The following SLC9B1 variants were observed in gnomAD, a reference collection of about 807,000 sequenced individuals.
SLC9B1 encodes the protein sodium/hydrogen exchanger 9B1.
A neutral mutation model predicts 51.7 loss-of-function variants in SLC9B1; 32 were observed. The observed-to-expected ratio is 0.62, with a 90% CI of 0.47 to 0.83. The LOEUF (loss-of-function observed/expected upper bound fraction) is 0.83, where lower values mean the gene tolerates loss of function less well. Ranked by LOEUF, SLC9B1 falls within the 40% of genes least tolerant of loss-of-function variation. SLC9B1 has a pLI of 0.00. For synonymous variants in SLC9B1, 145 were observed against 212.7 expected (o/e 0.68, Z 2.77); for missense variants, 406 against 613.2 (o/e 0.66, Z 3.57).
chr4:102,986,606 T>C (rs1374788660), intron 3 of SLC9B1, among the ~76,000 whole-genome samples: 1 of 152,212 alleles, frequency 6.6e-6, no homozygotes, highest in Non-Finnish European at 1.5e-5. Flanking sequence ...TCCCATTTCA[T>C]GTATGTTACA....
intron 3 of SLC9B1, among the ~76,000 whole-genome samples, chr4:102,967,459 G>A (rs1223359145): frequency 6.6e-6 from 1 of 152,184 alleles, no homozygotes; most frequent in East Asian, 1.9e-4. Context: ...CAGTTCTGCA[G>A]GCTGGAAAGA....
At chr4:103,001,061 C>A (rs935667514) in intron 1 of SLC9B1, among the ~76,000 whole-genome samples, 2 of 152,236 alleles carry the variant, frequency 1.3e-5, no homozygotes, top group South Asian at 2.1e-4. Flanking sequence ...TTCTTGACTT[C>A]TGTGCACCCA....
At chr4:103,016,001 G>A (rs555704058) in intron 1 of SLC9B1, among the ~76,000 whole-genome samples, 29 of 151,758 alleles carry the variant, frequency 1.9e-4, no homozygotes, top group Non-Finnish European at 3.5e-4. Context: ...TGGTGTGTTG[G>A]TGTGCGCCTG....
At chr4:102,990,277 G>A (rs1739881657) in intron 2 of SLC9B1, among the ~76,000 whole-genome samples, 1 of 151,962 alleles carries the variant, frequency 6.6e-6, no homozygotes, top group South Asian at 2.1e-4. Flanking sequence ...CAAAACTTTT[G>A]TGAAATGAAA....
intron 9 of SLC9B1, 87 bp from the exon 10 acceptor site, chr4:102,906,731 C>A (rs1184682092): frequency 2.5e-6 from 2 of 788,542 alleles, no homozygotes; most frequent in Non-Finnish European, 2.0e-6. Context: ...TTTTTTTTTT[C>A]ATTTTTTAAG....
intron 11 of SLC9B1, chr4:102,890,071 A>T (rs1251425651): frequency 6.6e-6 from 1 of 152,214 alleles, no homozygotes; most frequent in Non-Finnish European, 1.5e-5. Context: ...CTATTACATA[A>T]ACATCAGGTA....
intron 3 of SLC9B1, among the ~76,000 whole-genome samples, chr4:102,955,738 A>C (rs1202115422): frequency 2.0e-5 from 3 of 151,956 alleles, no homozygotes; most frequent in Non-Finnish European, 2.9e-5. Context: ...CCTGTGTAAC[A>C]AAGCTGCACG....
chr4:102,939,555 G>A (rs1736887441), intron 6 of SLC9B1, among the ~76,000 whole-genome samples: 1 of 151,814 alleles, frequency 6.6e-6, no homozygotes, highest in Non-Finnish European at 1.5e-5. Flanking sequence ...CTCATTTTAT[G>A]AGGCCAGCAT....
intron 3 of SLC9B1, among the ~76,000 whole-genome samples, chr4:102,975,786 T>C (rs1218915189): frequency 1.3e-5 from 2 of 151,068 alleles, no homozygotes; most frequent in Middle Eastern, 3.2e-3. Context: ...CCAGGCTGGT[T>C]TGAACTCCCA....
downstream of SLC9B1, among the ~76,000 whole-genome samples, chr4:102,895,966 T>A (rs1204578872): frequency 1.3e-5 from 2 of 152,208 alleles, no homozygotes; most frequent in African/African-American, 4.8e-5. Context: ...CAAACTCAAA[T>A]TTTTAAACAT....
intron 11 of SLC9B1, among the ~76,000 whole-genome samples, chr4:102,894,024 A>G (rs925860101): frequency 6.6e-5 from 10 of 152,356 alleles, no homozygotes; most frequent in Middle Eastern, 3.4e-3. Flanking sequence ...TACAGTATGC[A>G]AAGAGCACTG....
intron 3 of SLC9B1, among the ~76,000 whole-genome samples, chr4:102,978,254 C>T (rs545608307): frequency 1.4e-4 from 22 of 152,052 alleles, no homozygotes; most frequent in Middle Eastern, 3.4e-3. Context: ...TTGTGAATAG[C>T]GCCGCAATAA....
At chr4:102,992,509 A>G (rs1739996010) in intron 1 of SLC9B1, among the ~76,000 whole-genome samples, 1 of 152,212 alleles carries the variant, frequency 6.6e-6, no homozygotes, top group Non-Finnish European at 1.5e-5. Flanking sequence ...GAAAATTGTT[A>G]ACGAAAAGGA....
At position 103,009,555 on chromosome 4, in the gene SLC9B1, A is replaced by G. The variant is rs143330854; in HGVS notation, c.-2+10044T>C. ...TGGAATTCAGTATAAATTATTCTAAATGAGACTGCAGCTCTTTTCCTTCCA... is the reference window on the plus strand; with the variant it reads ...TGGAATTCAGTATAAATTATTCTAAGTGAGACTGCAGCTCTTTTCCTTCCA... On this transcript the variant is annotated intron_variant, in intron 1 of 11. Transcript: ENST00000296422. 9.2e-5 allele frequency among the ~76,000 whole-genome samples: 14 copies of G among 152,358 alleles called. No homozygotes were observed. In the East Asian group the frequency reaches 2.5e-3, roughly 27 times the overall value.
chr4:102,925,506 C>T (rs1736115010), intron 7 of SLC9B1, among the ~76,000 whole-genome samples: 1 of 151,888 alleles, frequency 6.6e-6, no homozygotes, highest in Non-Finnish European at 1.5e-5. Context: ...GCATATGTAA[C>T]AAACCTGCAT....
Position 102,910,467 on chromosome 4 carries a change from A to G in SLC9B1, c.1058T>C (p.Ile353Thr), listed in dbSNP as rs1735283858. Reference protein sequence around the residue: ...GGLCTLVLSFIAGTKWSQEKM... With the variant: ...GGLCTLVLSFTAGTKWSQEKM... ...TTCTTGGGACCATTTTGTCCCTGCA[A>G]TGAAACTCAACACTAGTGTGCATAA... The change falls in exon 9 of 12, where the codon ATT becomes ACT. Residue 353 changes from isoleucine to threonine, a missense_variant. By Grantham distance (89) the Ile-to-Thr change is moderately conservative. Transcript: ENST00000296422. 3 of 1,555,084 alleles carry G rather than the reference A, an allele frequency of 1.9e-6. No individual in the cohort carries two copies. The highest frequency in any genetic ancestry group is 2.0e-5 in the Admixed American group (1 of 49,276).
chr4:102,891,448 C>G (rs1278919440), intron 11 of SLC9B1: 1 of 152,160 alleles, frequency 6.6e-6, no homozygotes, highest in African/African-American at 2.4e-5. Context: ...ACAACTGTCT[C>G]TGAGGACATC....
chr4:103,004,390 A>G (rs1029876540), intron 1 of SLC9B1, among the ~76,000 whole-genome samples: 15 of 152,228 alleles, frequency 9.9e-5, no homozygotes, highest in Non-Finnish European at 1.6e-4. Context: ...AATAAAGAAA[A>G]AAGAACAAAA....
chr4:102,970,443 GA>G (rs1203194548), intron 3 of SLC9B1, among the ~76,000 whole-genome samples: 1 of 152,206 alleles, frequency 6.6e-6, no homozygotes, highest in Admixed American at 6.5e-5. Context: ...AATGCTGAGA[GA>G]TTTTGTTACC....
Sources: allele counts gnomAD v4.1 joint callset (sites outside exome capture counted in the v4.1 genomes callset), GRCh38; gene constraint gnomAD v4.1.1; transcripts MANE v1.5; gene names NCBI Gene and HGNC (gene_info 2026-07-23, HGNC 2026-07-21).